The following ATG3 variants were observed in gnomAD, a reference collection of about 807,000 sequenced individuals.
The protein encoded by ATG3 is autophagy related 3, also known as ubiquitin-like-conjugating enzyme ATG3.
A neutral mutation model predicts 50.7 loss-of-function variants in ATG3; 25 were observed. That is an observed-to-expected ratio of 0.49 (90% CI 0.36 to 0.69). The LOEUF (loss-of-function observed/expected upper bound fraction) is 0.69, where lower values mean the gene tolerates loss of function less well. ATG3 is among the 30% of genes least tolerant of loss of function. The pLI, the probability that ATG3 is intolerant of heterozygous loss-of-function variation, is 0.00. For missense variants in ATG3, 281 were observed against 376.0 expected (o/e 0.75, Z 2.09); for synonymous variants, 119 against 125.5 (o/e 0.95, Z 0.34).
intron 10 of ATG3, chr3:112,536,116 C>A: frequency 5.1e-6 from 1 of 197,440 alleles, no homozygotes; most frequent in South Asian, 8.1e-5. Flanking sequence ...CACAGAAAGG[C>A]AGTCACAACA....
chr3:112,552,784 G>A (rs1013173482), intron 3 of ATG3, among the ~76,000 whole-genome samples: 9 of 151,624 alleles, frequency 5.9e-5, no homozygotes. Flanking sequence ...CCAAGTAGCT[G>A]GGACCACAGA....
At chr3:112,536,777 C>T (rs1933064515) in intron 9 of ATG3, 175 bp from the exon 10 acceptor site, 8 of 558,248 alleles carry the variant, frequency 1.4e-5, no homozygotes, top group South Asian at 1.3e-4. Flanking sequence ...AAAAATTAGC[C>T]GGGCAGGGTG....
chr3:112,556,669 T>C (rs2107390969), intron 2 of ATG3, among the ~76,000 whole-genome samples: 1 of 152,372 alleles, frequency 6.6e-6, no homozygotes, highest in East Asian at 1.9e-4. Flanking sequence ...CTTTTCATTT[T>C]GTTCTGTACT....
chr3:112,554,913 T>C (rs1196489446), intron 2 of ATG3, among the ~76,000 whole-genome samples: 1 of 152,152 alleles, frequency 6.6e-6, no homozygotes, highest in Admixed American at 6.5e-5. Context: ...ACCTTATTAT[T>C]TAAACAGCCT....
rs1559851964 is a variant in ATG3, at chr3:112,561,747, A to T, written c.-219T>A. 1.6e-5 allele frequency: 9 copies of T among 546,952 alleles called. No homozygotes were observed. In the South Asian group the frequency reaches 2.0e-4, roughly 12 times the overall value. 33.9% of individuals were successfully genotyped at this position (546,952 alleles called of 1,614,324 possible). ...ACGGGGTGCGCGATCCTCGCACCCCAGGCAGCCCGCGACGGACCGGACCCA... is the reference window on the plus strand; with the variant it reads ...ACGGGGTGCGCGATCCTCGCACCCCTGGCAGCCCGCGACGGACCGGACCCA... On this transcript the variant is annotated 5_prime_UTR_variant, in exon 1 of 12. Transcript: ENST00000283290.
chr3:112,537,865 A>G lies in ATG3; in HGVS notation c.536T>C (p.Val179Ala). 3 of 1,610,788 alleles carry G rather than the reference A, an allele frequency of 1.9e-6. No individual in the cohort carries two copies. The highest frequency in any genetic ancestry group is 2.5e-6 in the Non-Finnish European group (3 of 1,179,156). The change falls in exon 9 of 12, where the codon GTA becomes GCA. Residue 179 changes from valine (V) to alanine (A), a missense_variant. Physicochemically the swap from Val to Ala is moderately conservative, Grantham distance 64. Transcript: ENST00000283290. ...ATCAGTTTTGGCTTTACAAGCTTCT[A>G]CTATTTTCCTTGTATCTAGGGTAGC... ...DEATLDTRKI[V>A]EACKAKTDAG... is the part of the protein sequence containing the mutation.
intron 9 of ATG3, among the ~76,000 whole-genome samples, chr3:112,537,030 C>T (rs953162324): frequency 6.7e-6 from 1 of 148,588 alleles, no homozygotes; most frequent in African/African-American, 2.5e-5. Flanking sequence ...CTCCATCTCA[C>T]ATCACTTGCA....
intron 9 of ATG3, 137 bp from the exon 10 acceptor site, chr3:112,536,739 G>T: frequency 1.3e-6 from 1 of 788,560 alleles, no homozygotes. Context: ...GGCTAACATG[G>T]TGAAACACCG....
intron 1 of ATG3, among the ~76,000 whole-genome samples, chr3:112,560,870 G>A (rs566938227): frequency 5.9e-5 from 9 of 152,250 alleles, no homozygotes; most frequent in African/African-American, 1.2e-4. Context: ...AACCAGCTAC[G>A]GCTATCTGAA....
chr3:112,536,304 T>C, intron 10 of ATG3, 171 bp downstream of exon 10: 1 of 744,602 alleles, frequency 1.3e-6, no homozygotes, highest in Non-Finnish European at 2.0e-6. Context: ...TTTTTTCCTT[T>C]TTCTTATATA....
At chr3:112,538,000 A>C in intron 8 of ATG3, 110 bp from the exon 9 acceptor site, 1 of 1,269,090 alleles carries the variant, frequency 7.9e-7, no homozygotes, top group Non-Finnish European at 1.1e-6. Context: ...GAGTAAATGA[A>C]CTTGGAACTC....
intron 7 of ATG3, among the ~76,000 whole-genome samples, chr3:112,540,030 G>C (rs1176012978): frequency 6.6e-6 from 1 of 152,160 alleles, no homozygotes; most frequent in African/African-American, 2.4e-5. Flanking sequence ...GACATCCAGG[G>C]GGAAATGAAA....
chr3:112,553,517 T>A (rs1472577940), intron 2 of ATG3, among the ~76,000 whole-genome samples, 188 bp from the exon 3 acceptor site: 1 of 152,182 alleles, frequency 6.6e-6, no homozygotes. Context: ...ATGACTAAAC[T>A]GCAATGTTTT....
At chr3:112,560,668 A>G (rs1407655742) in intron 1 of ATG3, among the ~76,000 whole-genome samples, 2 of 152,224 alleles carry the variant, frequency 1.3e-5, no homozygotes, top group Non-Finnish European at 2.9e-5. Context: ...AGTTACAACA[A>G]AACACTCCAA....
intron 7 of ATG3, 188 bp from the exon 8 acceptor site, chr3:112,538,368 G>C: frequency 1.8e-6 from 1 of 545,374 alleles, no homozygotes; most frequent in Non-Finnish European, 3.3e-6. Context: ...CCCAGAGAAA[G>C]CCAGCATGTT....
In ATG3 at chr3:112,551,821, G is replaced by GAA. The variant is rs908421402; in HGVS notation, c.164+1457_164+1458dup. On this transcript the variant is annotated intron_variant, in intron 3 of 11. Coordinates refer to ENST00000283290, the MANE Select transcript of ATG3 (RefSeq NM_022488.5). ...TAACAGAAAATCTGGAATACAGAAA[G>GAA]AAAAAAAAACCACCTTTATTAAATC... Among the ~76,000 whole-genome samples the GAA allele has an allele frequency of 1.9e-4, 29 of 149,844 alleles. No homozygotes were observed. In the East Asian group the frequency reaches 5.6e-3, roughly 29 times the overall value.
intron 11 of ATG3, chr3:112,533,293 T>C (rs1199693876): frequency 2.0e-6 from 2 of 984,574 alleles, no homozygotes; most frequent in African/African-American, 3.5e-5. Context: ...TTATGTTCAT[T>C]GCACTTAAAA....
At chr3:112,558,549 CTAATCTA>C in intron 1 of ATG3, 132 bp from the exon 2 acceptor site, 1 of 682,678 alleles carries the variant, frequency 1.5e-6, no homozygotes, top group Non-Finnish European at 2.6e-6. Flanking sequence ...GTCTATCTAT[CTAATCTA>C]TAATCTATCT....
At chr3:112,536,434 C>T (rs779003356) in intron 10 of ATG3, 41 bp downstream of exon 10, 3 of 1,597,334 alleles carry the variant, frequency 1.9e-6, no homozygotes, top group African/African-American at 2.7e-5. Context: ...ATGAAATATA[C>T]AATCACATCA....
Sources: allele counts gnomAD v4.1 joint callset (sites outside exome capture counted in the v4.1 genomes callset), GRCh38; gene constraint gnomAD v4.1.1; transcripts MANE v1.5; gene names NCBI Gene and HGNC (gene_info 2026-07-23, HGNC 2026-07-21).